The following PDE4D variants were observed in gnomAD, a reference collection of about 807,000 sequenced individuals.
The protein encoded by PDE4D is phosphodiesterase 4D.
Under a neutral mutation model 87.4 loss-of-function variants are expected in PDE4D, and 24 were observed. The observed-to-expected ratio is 0.27, with a 90% confidence interval of 0.20 to 0.39. The LOEUF (loss-of-function observed/expected upper bound fraction) is 0.39, where lower values mean the gene tolerates loss of function less well. PDE4D is among the 10% of genes least tolerant of loss of function. The pLI is 1.00. For synonymous variants in PDE4D, 384 were observed against 383.2 expected (o/e 1.00, Z -0.02); for missense variants, 714 against 1,041.0 (o/e 0.69, Z 4.32).
chr5:59,243,448 CTTTTTTTTTTTTTTTTT>C (rs767287011), intron 1 of PDE4D, among the ~76,000 whole-genome samples: 2 of 72,302 alleles, frequency 2.8e-5, no homozygotes, highest in African/African-American at 1.2e-4. Flanking sequence ...TTAAAATAAC[CTTTTTTTTTTTTTTTTT>C]TTTTTTTTTT....
At chr5:60,068,370 T>A (rs1364724617) in intron 2 of PDE4D, among the ~76,000 whole-genome samples, 1 of 152,166 alleles carries the variant, frequency 6.6e-6, no homozygotes, top group Admixed American at 6.6e-5. Flanking sequence ...TTGTATGTCT[T>A]CTTTGAAGAA....
At chr5:59,843,790 C>G (rs915940786) in intron 1 of PDE4D, among the ~76,000 whole-genome samples, 2 of 152,052 alleles carry the variant, frequency 1.3e-5, no homozygotes, top group Admixed American at 6.6e-5. Flanking sequence ...TTAAATACCC[C>G]ATCCAGGAAG....
chr5:60,338,969 G>A (rs1758064943), intron 1 of PDE4D, among the ~76,000 whole-genome samples: 2 of 151,978 alleles, frequency 1.3e-5, no homozygotes, highest in Non-Finnish European at 1.5e-5. Flanking sequence ...ACCTAATTGC[G>A]GTCAATCAGA....
chr5:59,050,664 A>T (rs965206377), intron 5 of PDE4D, among the ~76,000 whole-genome samples: 1 of 152,264 alleles, frequency 6.6e-6, no homozygotes, highest in Non-Finnish European at 1.5e-5. Context: ...AGAGCTCTTC[A>T]TGGGAAATAG....
At chr5:60,299,467 TG>T (rs1203756127) in intron 1 of PDE4D, among the ~76,000 whole-genome samples, 1 of 152,218 alleles carries the variant, frequency 6.6e-6, no homozygotes, top group Non-Finnish European at 1.5e-5. Flanking sequence ...ACATGTGCCA[TG>T]GTGGTTGCTG....
At chr5:59,159,412 T>C (rs1437497582) in intron 5 of PDE4D, among the ~76,000 whole-genome samples, 1 of 151,998 alleles carries the variant, frequency 6.6e-6, no homozygotes, top group Non-Finnish European at 1.5e-5. Context: ...CGATTAGAGG[T>C]GTGAGCCACC....
chr5:59,630,509 C>T (rs1752303518), intron 1 of PDE4D, among the ~76,000 whole-genome samples: 1 of 152,186 alleles, frequency 6.6e-6, no homozygotes, highest in African/African-American at 2.4e-5. Context: ...AGCTCAACAC[C>T]TGCCTTCCTG....
intron 1 of PDE4D, among the ~76,000 whole-genome samples, chr5:59,775,075 T>G (rs1380031564): frequency 6.6e-6 from 1 of 152,188 alleles, no homozygotes; most frequent in Non-Finnish European, 1.5e-5. Flanking sequence ...ACCTTCCCTT[T>G]CCTCCTAATA....
intron 1 of PDE4D, among the ~76,000 whole-genome samples, chr5:59,236,492 A>C (rs1378560492): frequency 6.6e-6 from 1 of 152,190 alleles, no homozygotes; most frequent in African/African-American, 2.4e-5. Context: ...CTCTATTTTC[A>C]AAAGGCTGTC....
chr5:59,835,120 G>A (rs1741817871), intron 1 of PDE4D, among the ~76,000 whole-genome samples: 1 of 152,076 alleles, frequency 6.6e-6, no homozygotes. Context: ...GAGCCATATT[G>A]GCCTAGGTTT....
chr5:60,059,040 A>ATGTGTGTGTGTGTGTGTGTGTGTGTGTG (rs70975363), intron 2 of PDE4D, among the ~76,000 whole-genome samples: 5 of 142,334 alleles, frequency 3.5e-5, no homozygotes, highest in African/African-American at 1.3e-4. Context: ...GCATTGTCAT[A>ATGTGTGTGTGTGTGTGTGTGTGTGTGTG]TGTGTGTGTG....
intron 1 of PDE4D, among the ~76,000 whole-genome samples, chr5:59,335,387 G>A (rs990736505): frequency 2.0e-5 from 3 of 152,304 alleles, no homozygotes; most frequent in South Asian, 2.1e-4. Context: ...CCATAACTCA[G>A]GAAAAGGGAG....
chr5:60,325,671 T>C (rs994913853), intron 1 of PDE4D, among the ~76,000 whole-genome samples: 5 of 152,148 alleles, frequency 3.3e-5, no homozygotes, highest in African/African-American at 1.2e-4. Flanking sequence ...ACAAAATCAG[T>C]GTATCTTTTA....
At chr5:59,045,279 C>T (rs764552726) in intron 5 of PDE4D, among the ~76,000 whole-genome samples, 2 of 152,102 alleles carry the variant, frequency 1.3e-5, no homozygotes, top group Non-Finnish European at 2.9e-5. Flanking sequence ...GTCGGCCAGG[C>T]GTGGTGGCTC....
At chr5:59,187,055 G>A (rs35399502) in intron 3 of PDE4D, among the ~76,000 whole-genome samples, 28,603 of 152,024 alleles carry the variant, frequency 0.19, 2,933 homozygotes, top group African/African-American at 0.27. Flanking sequence ...TTTAACCCTA[G>A]AATTCTGAGA....
intron 2 of PDE4D, among the ~76,000 whole-genome samples, chr5:59,988,949 A>T (rs989787762): frequency 6.6e-6 from 1 of 151,986 alleles, no homozygotes; most frequent in Admixed American, 6.6e-5. Flanking sequence ...ACAGTTAACT[A>T]ACATCTTCAG....
chr5:59,922,289 A>G (rs2152779429), intron 3 of PDE4D, among the ~76,000 whole-genome samples: 1 of 152,282 alleles, frequency 6.6e-6, no homozygotes, highest in South Asian at 2.1e-4. Context: ...AAAGACTGAA[A>G]TTCCTGGGCA....
chr5:59,985,627 A>T (rs953595965), intron 3 of PDE4D, among the ~76,000 whole-genome samples: 1 of 152,204 alleles, frequency 6.6e-6, no homozygotes, highest in Non-Finnish European at 1.5e-5. Flanking sequence ...TTCTTTTGAA[A>T]TGAAACCCTT....
intron 1 of PDE4D, among the ~76,000 whole-genome samples, chr5:59,392,510 T>TATATATATATAC (rs1360632868): frequency 1.4e-5 from 2 of 142,340 alleles, no homozygotes; most frequent in African/African-American, 3.0e-5. Flanking sequence ...TGTCTATATA[T>TATATATATATAC]ATATATATAT....
Sources: allele counts gnomAD v4.1 joint callset (sites outside exome capture counted in the v4.1 genomes callset), GRCh38; gene constraint gnomAD v4.1.1; transcripts MANE v1.5; gene names NCBI Gene and HGNC (gene_info 2026-07-23, HGNC 2026-07-21).